The following LPXN variants were observed in gnomAD, a reference collection of about 807,000 sequenced individuals.
LPXN encodes the protein leupaxin.
Under a neutral mutation model 45.6 loss-of-function variants are expected in LPXN, and 28 were observed. That is an observed-to-expected ratio of 0.61 (90% CI 0.45 to 0.84). The LOEUF (loss-of-function observed/expected upper bound fraction) is 0.84, where lower values mean the gene tolerates loss of function less well. Among genes scored for constraint, LPXN ranks in the 40% least tolerant of loss-of-function variants. The probability of loss-of-function intolerance (pLI) is 0.00; values close to 1 mark genes in which losing one functional copy is unlikely to be tolerated. For missense variants in LPXN, 459 were observed against 475.0 expected, an observed-to-expected ratio of 0.97 and a Z score of 0.31; for synonymous variants, 166 against 169.9, an observed-to-expected ratio of 0.98 and a Z score of 0.18.
intron 2 of LPXN, among the ~76,000 whole-genome samples, chr11:58,566,933 C>T (rs1854543275): frequency 6.6e-6 from 1 of 151,920 alleles, no homozygotes; most frequent in Non-Finnish European, 1.5e-5. Flanking sequence ...TGAAATGTTT[C>T]CTTGCATGGT....
intron 3 of LPXN, among the ~76,000 whole-genome samples, chr11:58,555,770 A>G (rs80054367): frequency 3.3e-4 from 4 of 12,048 alleles, no homozygotes; most frequent in East Asian, 6.6e-3. Flanking sequence ...ACACACATGC[A>G]CACACACACA....
intron 1 of LPXN, among the ~76,000 whole-genome samples, chr11:58,573,298 T>C (rs971372884): frequency 1.3e-5 from 2 of 150,766 alleles, no homozygotes; most frequent in Admixed American, 1.3e-4. Flanking sequence ...AAAACTAAGG[T>C]AGAAAAAGAA....
At chr11:58,528,644 T>C (rs1177703989) in intron 7 of LPXN, among the ~76,000 whole-genome samples, 1 of 152,196 alleles carries the variant, frequency 6.6e-6, no homozygotes, top group Non-Finnish European at 1.5e-5. Context: ...ACAGGAACAT[T>C]AGCTCTGAGA....
intron 1 of LPXN, among the ~76,000 whole-genome samples, chr11:58,573,521 G>C (rs1854779102): frequency 6.6e-6 from 1 of 152,144 alleles, no homozygotes; most frequent in Non-Finnish European, 1.5e-5. Flanking sequence ...ATACCACAAA[G>C]AGTAGGAAGT....
intron 2 of LPXN, among the ~76,000 whole-genome samples, chr11:58,568,683 G>A (rs1192830998): frequency 6.6e-6 from 1 of 152,092 alleles, no homozygotes. Flanking sequence ...GCTGGAAGGA[G>A]GTCTGTTAAG....
chr11:58,574,574 A>T (rs1008567040), intron 1 of LPXN, among the ~76,000 whole-genome samples: 2 of 151,732 alleles, frequency 1.3e-5, no homozygotes, highest in Non-Finnish European at 1.5e-5. Flanking sequence ...CATCCCCCCC[A>T]AAAAAAAGAA....
At chr11:58,578,203 A>G, upstream of LPXN, 1 of 956,134 alleles carries the variant, frequency 1.0e-6, no homozygotes, top group Non-Finnish European at 1.5e-6. Context: ...AATTGGCTCG[A>G]CGCTTGAGCC....
chr11:58,578,361 A>C (rs190198688), upstream of LPXN: 44 of 219,112 alleles, frequency 2.0e-4, no homozygotes, highest in East Asian at 4.2e-3. Context: ...TTTCCCATCT[A>C]TTTTTCCTAA....
At chr11:58,529,580 A>G (rs1014987364) in intron 7 of LPXN, among the ~76,000 whole-genome samples, 3 of 150,700 alleles carry the variant, frequency 2.0e-5, no homozygotes, top group Admixed American at 2.0e-4. Context: ...ACTGCACTCC[A>G]GCCTGGGAGA....
At chr11:58,561,107 C>T (rs955758610) in intron 3 of LPXN, among the ~76,000 whole-genome samples, 1 of 152,038 alleles carries the variant, frequency 6.6e-6, no homozygotes, top group African/African-American at 2.4e-5. Context: ...AAACCAAAAC[C>T]CTCTGTCTCA....
At chr11:58,578,310 G>C (rs781639635), upstream of LPXN, 17 of 347,322 alleles carry the variant, frequency 4.9e-5, no homozygotes, top group Non-Finnish European at 3.3e-5. Context: ...CTTTCCCGTC[G>C]TGACTCAGTT....
At chr11:58,542,423 G>T (rs1338217228) in intron 7 of LPXN, among the ~76,000 whole-genome samples, 1 of 151,600 alleles carries the variant, frequency 6.6e-6, no homozygotes, top group Non-Finnish European at 1.5e-5. Context: ...TTCTTTTGGA[G>T]AGTCACTTGA....
intron 1 of LPXN, among the ~76,000 whole-genome samples, chr11:58,574,700 G>A (rs1854824920): frequency 6.6e-6 from 1 of 152,028 alleles, no homozygotes; most frequent in African/African-American, 2.4e-5. Flanking sequence ...AAAGAGTCTG[G>A]CCCAATATCA....
At chr11:58,528,786 T>C (rs142500781) in intron 7 of LPXN, among the ~76,000 whole-genome samples, 24 of 152,344 alleles carry the variant, frequency 1.6e-4, no homozygotes, top group African/African-American at 5.3e-4. Context: ...ATGCAAGATC[T>C]AAACACAATG....
rs1047979 is a variant in LPXN, at chr11:58,551,146, C to G, written c.405G>C (p.Leu135=). The G allele has an allele frequency of 0.57, 917,098 of 1,608,836 alleles. 264,568 individuals are homozygous for G. The highest frequency in any genetic ancestry group is 0.65 in the East Asian group (28,518 of 44,192). ...TGCCAAGGTCCTGCAATTCCTGCTC[C>G]AGACCCCCAAGCATTGAGTCCAGGG... is the stretch of plus-strand genomic sequence containing the variant. ...KASLDSMLGG[L]EQELQDLGIA... The change falls in exon 5 of 9, where the codon CTG becomes CTC. Residue 135 remains leucine (L), a synonymous_variant. Transcript: ENST00000395074.
upstream of LPXN, chr11:58,575,976 A>T: frequency 7.2e-7 from 1 of 1,393,408 alleles, no homozygotes; most frequent in Non-Finnish European, 9.3e-7. Context: ...CAGTTTTAAA[A>T]ATGTGACTGA....
chr11:58,554,943 A>G lies in LPXN; in HGVS notation c.219-3T>C, dbSNP rs755325869. The G allele has an allele frequency of 2.5e-6, 4 of 1,602,476 alleles. No individual in the cohort carries two copies. The highest frequency in any genetic ancestry group is 2.2e-5 in the East Asian group (1 of 44,812). On this transcript the variant is annotated splice_polypyrimidine_tract_variant and splice_region_variant and intron_variant, in intron 3 of 8. Coordinates refer to ENST00000395074, the MANE Select transcript of LPXN (RefSeq NM_004811.3). Reference sequence around the variant, plus strand: ...ATTCCTTTGGCTCTTGGGCTTCACTATAGAGGGAAAACAAAAAAGTCATAT... The same window carrying G: ...ATTCCTTTGGCTCTTGGGCTTCACTGTAGAGGGAAAACAAAAAAGTCATAT...
At chr11:58,542,357 A>C (rs530017910) in intron 7 of LPXN, among the ~76,000 whole-genome samples, 1 of 152,134 alleles carries the variant, frequency 6.6e-6, no homozygotes, top group East Asian at 1.9e-4. Flanking sequence ...ATACTGGAAG[A>C]TATATGGAAT....
chr11:58,554,469 T>G (rs765951695), intron 4 of LPXN, among the ~76,000 whole-genome samples: 3 of 152,140 alleles, frequency 2.0e-5, no homozygotes, highest in Non-Finnish European at 4.4e-5. Context: ...CATCCCAAGT[T>G]TCAACTCTGA....
Sources: allele counts gnomAD v4.1 joint callset (sites outside exome capture counted in the v4.1 genomes callset), GRCh38; gene constraint gnomAD v4.1.1; transcripts MANE v1.5; gene names NCBI Gene and HGNC (gene_info 2026-07-23, HGNC 2026-07-21).